NDST4: variants seen among roughly 807,000 people sequenced by gnomAD.
NDST4 encodes the protein N-deacetylase and N-sulfotransferase 4, also known as N-heparan sulfate sulfotransferase 4.
Under a neutral mutation model 100.8 loss-of-function variants are expected in NDST4, and 63 were observed. That is an observed-to-expected ratio of 0.62 (90% confidence interval 0.51 to 0.77). NDST4 has a LOEUF of 0.77. NDST4 is among the 30% of genes least tolerant of loss of function. The probability of loss-of-function intolerance (pLI) is 0.00; values close to 1 mark genes in which losing one functional copy is unlikely to be tolerated. For synonymous variants in NDST4, 377 were observed against 361.8 expected, an observed-to-expected ratio of 1.04 and a Z score of -0.48; for missense variants, 943 against 1,018.4, an observed-to-expected ratio of 0.93 and a Z score of 1.01.
chr4:114,852,237 C>A (rs2126188775), intron 8 of NDST4, among the ~76,000 whole-genome samples: 1 of 152,130 alleles, frequency 6.6e-6, no homozygotes, highest in East Asian at 1.9e-4. Flanking sequence ...CATGCTAATA[C>A]CTAATGATTA....
chr4:115,005,384 T>A (rs925207086), intron 2 of NDST4, among the ~76,000 whole-genome samples: 6 of 152,126 alleles, frequency 3.9e-5, no homozygotes, highest in Non-Finnish European at 8.8e-5. Context: ...TCTAAGCTAT[T>A]GGGATCTTAC....
chr4:115,022,231 T>C (rs143143598), intron 2 of NDST4, among the ~76,000 whole-genome samples: 1,526 of 142,494 alleles, frequency 0.011, 65 homozygotes, highest in African/African-American at 0.038. Flanking sequence ...CATATATATA[T>C]ACGTTCCACG....
At chr4:114,956,825 C>T (rs1376482589) in intron 4 of NDST4, among the ~76,000 whole-genome samples, 1 of 152,038 alleles carries the variant, frequency 6.6e-6, no homozygotes, top group African/African-American at 2.4e-5. Context: ...ACATCCTTAA[C>T]ATGGAGGGAA....
chr4:114,894,502 T>C (rs1375703612), intron 6 of NDST4, among the ~76,000 whole-genome samples: 2 of 152,198 alleles, frequency 1.3e-5, no homozygotes, highest in Non-Finnish European at 2.9e-5. Context: ...TTTGTAGCAA[T>C]TGTGAATGCG....
At chr4:115,024,452 T>G (rs1279823605) in intron 2 of NDST4, among the ~76,000 whole-genome samples, 1 of 152,134 alleles carries the variant, frequency 6.6e-6, no homozygotes, top group Non-Finnish European at 1.5e-5. Flanking sequence ...TTTTTTTCCC[T>G]GTTGGGTTTT....
intron 11 of NDST4, among the ~76,000 whole-genome samples, chr4:114,837,402 C>G (rs781401060): frequency 6.6e-6 from 1 of 152,060 alleles, no homozygotes; most frequent in Non-Finnish European, 1.5e-5. Context: ...AAGCTGGAGG[C>G]GTCATGCTAC....
intron 1 of NDST4, among the ~76,000 whole-genome samples, chr4:115,081,736 AT>A (rs1169973566): frequency 2.0e-5 from 3 of 152,290 alleles, no homozygotes; most frequent in African/African-American, 4.8e-5. Flanking sequence ...TTTTACCTTA[AT>A]TAGTTTCTTC....
intron 6 of NDST4, among the ~76,000 whole-genome samples, chr4:114,882,842 A>G (rs1307592174): frequency 1.3e-5 from 2 of 152,086 alleles, no homozygotes; most frequent in African/African-American, 2.4e-5. Flanking sequence ...CACACCTAGA[A>G]AGCCAGAGGA....
chr4:115,033,132 T>G (rs1056810615), intron 2 of NDST4, among the ~76,000 whole-genome samples: 2 of 57,842 alleles, frequency 3.5e-5, no homozygotes, highest in African/African-American at 1.2e-4. Context: ...TATATATGTG[T>G]ATATATATAT....
chr4:115,008,542 T>C (rs9995994), intron 2 of NDST4, among the ~76,000 whole-genome samples: 3,030 of 128,646 alleles, frequency 0.024, 762 homozygotes, highest in African/African-American at 0.086. Context: ...TATCTCAAAA[T>C]AATAAGAGCT....
chr4:114,930,454 C>A (rs1369873093), intron 6 of NDST4, among the ~76,000 whole-genome samples: 1 of 152,100 alleles, frequency 6.6e-6, no homozygotes, highest in Non-Finnish European at 1.5e-5. Flanking sequence ...AGCATTTTTG[C>A]CCTCACTTTC....
intron 6 of NDST4, among the ~76,000 whole-genome samples, chr4:114,902,923 TC>T (rs1456450892): frequency 6.6e-6 from 1 of 152,114 alleles, no homozygotes; most frequent in African/African-American, 2.4e-5. Context: ...TTTTGATTTT[TC>T]TTAGAATTTC....
At position 115,076,476 on chromosome 4, in the gene NDST4, A is replaced by T; in HGVS notation, c.561T>A (p.Asn187Lys). 6.2e-7 allele frequency: 1 copy of T among 1,613,972 alleles called. No homozygotes were observed. Among genetic ancestry groups the T allele is most frequent in the Non-Finnish European group, 8.5e-7 (1 of 1,179,956 alleles). Residue 187 changes from asparagine to lysine, a missense_variant, in exon 2 of 14, where the codon AAT (asparagine) becomes AAA (lysine). This residue lies in a region of NDST4 where 417 missense variants were observed against 384.2 expected (regional missense o/e 1.09). Coordinates refer to ENST00000264363, the MANE Select transcript of NDST4 (RefSeq NM_022569.3). The part of the protein sequence containing the change: ...LKGFPLNLFN[N>K]LALKDCFVNP... ...TAACAAAACAGTCCTTTAGAGCTAG[A>T]TTATTGAAAAGGTTTAACGGAAAGC...
chr4:114,916,271 G>A (rs1725165216), intron 6 of NDST4, among the ~76,000 whole-genome samples: 1 of 152,200 alleles, frequency 6.6e-6, no homozygotes, highest in African/African-American at 2.4e-5. Flanking sequence ...TGAGTATCAT[G>A]CCATTCCCTT....
chr4:114,984,954 G>A (rs1362412432), intron 2 of NDST4, among the ~76,000 whole-genome samples: 1 of 152,108 alleles, frequency 6.6e-6, no homozygotes, highest in Non-Finnish European at 1.5e-5. Context: ...CTGATAAACT[G>A]TTACTGCTAC....
chr4:114,898,966 A>C (rs1263464093), intron 6 of NDST4, among the ~76,000 whole-genome samples: 2 of 152,058 alleles, frequency 1.3e-5, no homozygotes, highest in Non-Finnish European at 2.9e-5. Context: ...TGTCACCTGC[A>C]AACAAAGACA....
At chr4:115,025,399 T>G (rs1213279378) in intron 2 of NDST4, among the ~76,000 whole-genome samples, 1 of 152,188 alleles carries the variant, frequency 6.6e-6, no homozygotes, top group African/African-American at 2.4e-5. Context: ...GGAGAATGTC[T>G]GACTTCACTT....
chr4:115,044,694 G>A (rs1728428140), intron 2 of NDST4, among the ~76,000 whole-genome samples: 1 of 140,816 alleles, frequency 7.1e-6, no homozygotes, highest in Non-Finnish European at 1.5e-5. Context: ...AAAGTCAGCA[G>A]GAAGGAAAAA....
At chr4:115,001,891 G>C (rs566775536) in intron 2 of NDST4, among the ~76,000 whole-genome samples, 11 of 152,172 alleles carry the variant, frequency 7.2e-5, no homozygotes, top group Admixed American at 2.6e-4. Flanking sequence ...AGGCAGCATG[G>C]TAAATATGTA....
Sources: gnomAD v4.1 joint callset for allele counts (sites outside exome capture counted in the v4.1 genomes callset) on GRCh38, gnomAD v4.1.1 for gene constraint, gnomAD v4.1.1 regional missense constraint, MANE v1.5 for transcripts, NCBI Gene and HGNC (gene_info 2026-07-23, HGNC 2026-07-21) for gene names.